Variants in LIMD1 observed in about 807,000 individuals in gnomAD.
LIMD1 encodes LIM domain-containing protein 1.
A neutral mutation model predicts 58.4 loss-of-function variants in LIMD1; 23 were observed. The observed-to-expected ratio is 0.39, with a 90% CI of 0.28 to 0.56. The LOEUF (loss-of-function observed/expected upper bound fraction) is 0.56, where lower values mean the gene tolerates loss of function less well. LIMD1 is among the 20% of genes least tolerant of loss of function. The pLI is 0.57. For missense variants in LIMD1, 838 were observed against 855.5 expected, an observed-to-expected ratio of 0.98 and a Z score of 0.25; for synonymous variants, 334 against 345.5, an observed-to-expected ratio of 0.97 and a Z score of 0.37.
chr3:45,661,240 T>C (rs1453722542), intron 2 of LIMD1, among the ~76,000 whole-genome samples: 9 of 152,240 alleles, frequency 5.9e-5, no homozygotes, highest in Non-Finnish European at 1.2e-4. Context: ...AATCACCTAT[T>C]TCTTACACTC....
chr3:45,677,073 C>G lies in LIMD1; in HGVS notation c.*14C>G, dbSNP rs550687341. On this transcript the variant is annotated 3_prime_UTR_variant, in exon 8 of 8. Transcript: ENST00000273317. ...CACCACTTCTAGCCAGAGCCACTTG[C>G]AGACATCACGGCAGGGGATGAGGAG... 2.5e-6 allele frequency: 4 copies of G among 1,611,340 alleles called. No individual in the cohort carries two copies. The highest frequency in any genetic ancestry group is 3.4e-6 in the Non-Finnish European group (4 of 1,178,884).
rs376039188 is a variant in LIMD1 at position 45,636,141 on chromosome 3, T to TC, written c.1409-7dup. The TC allele has an allele frequency of 6.2e-7, 1 of 1,612,282 alleles. No homozygotes were observed. The highest frequency in any genetic ancestry group is 8.5e-7 in the Non-Finnish European group (1 of 1,178,904). ...TCCTGACTCACTGATGTTTCTCTTG[T>TC]CCTGCAAGGAGCCTGTGTGAAATGC... On this transcript the variant is annotated splice_polypyrimidine_tract_variant and intron_variant, in intron 1 of 7. Coordinates refer to ENST00000273317, the MANE Select transcript of LIMD1 (RefSeq NM_014240.3).
At chr3:45,655,767 A>C (rs968589845) in intron 2 of LIMD1, among the ~76,000 whole-genome samples, 3 of 152,184 alleles carry the variant, frequency 2.0e-5, no homozygotes, top group African/African-American at 7.2e-5. Flanking sequence ...TGTCCTTATT[A>C]GCTCTGCCAA....
At chr3:45,629,937 G>T (rs776009488) in intron 1 of LIMD1, among the ~76,000 whole-genome samples, 26 of 152,182 alleles carry the variant, frequency 1.7e-4, no homozygotes, top group Non-Finnish European at 2.9e-4. Context: ...TCTTTAAATA[G>T]GTACAGCTTA....
intron 2 of LIMD1, 38 bp from the exon 3 acceptor site, chr3:45,665,612 T>TTTC (rs746747012): frequency 2.6e-4 from 404 of 1,572,066 alleles, no homozygotes; most frequent in Non-Finnish European, 3.1e-4. Context: ...TATTAAAATT[T>TTTC]TTCTTTTTTT....
At chr3:45,668,086 G>A (rs547699226) in intron 3 of LIMD1, among the ~76,000 whole-genome samples, 1 of 152,340 alleles carries the variant, frequency 6.6e-6, no homozygotes, top group East Asian at 1.9e-4. Flanking sequence ...CATTGTTAGA[G>A]TGAGTGGTAC....
Position 45,595,765 on chromosome 3 carries a change from T to C in LIMD1, c.886T>C (p.Ser296Pro), listed in dbSNP as rs771558104. The C allele has an allele frequency of 6.2e-6, 10 of 1,613,980 alleles. No individual in the cohort carries two copies. The highest frequency in any genetic ancestry group is 6.8e-6 in the Non-Finnish European group (8 of 1,180,014). Residue 296 changes from serine (S) to proline (P), a missense_variant, in exon 1 of 8, where the codon TCT (serine) becomes CCT (proline). By Grantham distance (74) the Ser-to-Pro change is moderately conservative. Around this residue, in one of 3 missense-constraint regions of LIMD1, gnomAD observed 659 missense variants for 639.8 expected, o/e 1.03. Transcript: ENST00000273317. ...GGGGCCTGTTCAGCCCAGGACCCCT[T>C]CTGTGTCAGCACCCTTGGCCCTGAG... Reference protein sequence around the residue: ...AVGPVQPRTPSVSAPLALSCP... With the variant: ...AVGPVQPRTPPVSAPLALSCP...
chr3:45,635,760 A>T (rs1245059910), intron 1 of LIMD1: 4 of 236,880 alleles, frequency 1.7e-5, no homozygotes, highest in East Asian at 1.9e-4. Context: ...AAAAAAAAAA[A>T]GGGAGGAAAA....
chr3:45,618,194 GC>G (rs1319864705), intron 1 of LIMD1, among the ~76,000 whole-genome samples: 2 of 152,192 alleles, frequency 1.3e-5, no homozygotes, highest in African/African-American at 4.8e-5. Context: ...GCAGTTGAAA[GC>G]GTGCTGAGTG....
chr3:45,637,559 G>A (rs1330259010), intron 2 of LIMD1, among the ~76,000 whole-genome samples: 2 of 152,184 alleles, frequency 1.3e-5, no homozygotes, highest in African/African-American at 4.8e-5. Flanking sequence ...GATTACAGGC[G>A]TGAGCCACTG....
At chr3:45,667,341 A>G (rs532705513) in intron 3 of LIMD1, among the ~76,000 whole-genome samples, 1 of 152,324 alleles carries the variant, frequency 6.6e-6, no homozygotes, top group East Asian at 1.9e-4. Flanking sequence ...GATGGGAGCC[A>G]CGTGGTGTGG....
intron 1 of LIMD1, among the ~76,000 whole-genome samples, chr3:45,613,637 G>A (rs965264821): frequency 1.7e-5 from 2 of 118,008 alleles, no homozygotes; most frequent in African/African-American, 6.2e-5. Flanking sequence ...GATTGTTTTT[G>A]TGTAAGACTT....
chr3:45,650,433 C>T (rs886695538), intron 2 of LIMD1, among the ~76,000 whole-genome samples: 1 of 151,864 alleles, frequency 6.6e-6, no homozygotes, highest in African/African-American at 2.4e-5. Context: ...GCTTACTGTA[C>T]CCATAAACTC....
At chr3:45,659,696 T>C (rs1406849371) in intron 2 of LIMD1, among the ~76,000 whole-genome samples, 1 of 152,212 alleles carries the variant, frequency 6.6e-6, no homozygotes, top group Non-Finnish European at 1.5e-5. Context: ...CTATGTAACA[T>C]TTCATCATTT....
chr3:45,653,907 CAAA>C (rs35185922), intron 2 of LIMD1, among the ~76,000 whole-genome samples: 2 of 74,874 alleles, frequency 2.7e-5, no homozygotes, highest in Non-Finnish European at 5.0e-5. Context: ...AAGACTGTCT[CAAA>C]AAAAAAAAAA....
At chr3:45,654,415 G>T (rs185283329) in intron 2 of LIMD1, among the ~76,000 whole-genome samples, 1 of 152,190 alleles carries the variant, frequency 6.6e-6, no homozygotes, top group Non-Finnish European at 1.5e-5. Flanking sequence ...AGTTTTGTCA[G>T]ATTAAATGGC....
intron 1 of LIMD1, among the ~76,000 whole-genome samples, chr3:45,633,181 G>C (rs1265200010): frequency 6.6e-6 from 1 of 152,088 alleles, no homozygotes; most frequent in Non-Finnish European, 1.5e-5. Flanking sequence ...CAGCTGTCCA[G>C]TAATCTCATC....
intron 1 of LIMD1, among the ~76,000 whole-genome samples, chr3:45,604,711 G>T (rs1701450595): frequency 6.6e-6 from 1 of 152,142 alleles, no homozygotes; most frequent in Admixed American, 6.5e-5. Flanking sequence ...TGCTGCCAAT[G>T]CCACCAATCC....
intron 2 of LIMD1, among the ~76,000 whole-genome samples, chr3:45,642,830 G>A (rs1012421891): frequency 1.2e-4 from 19 of 152,156 alleles, no homozygotes; most frequent in Admixed American, 1.2e-3. Flanking sequence ...TGGTGTGGGC[G>A]TTTGTGTGGT....
Sources: allele counts gnomAD v4.1 joint callset (sites outside exome capture counted in the v4.1 genomes callset), GRCh38; gene constraint gnomAD v4.1.1; regional missense constraint gnomAD v4.1.1; transcripts MANE v1.5; gene names NCBI Gene and HGNC (gene_info 2026-07-23, HGNC 2026-07-21).